The following NRG1 variants were observed in gnomAD, a reference collection of about 807,000 sequenced individuals.
NRG1 encodes neuregulin 1, also known as pro-neuregulin-1, membrane-bound isoform.
Under a neutral mutation model 63.8 loss-of-function variants are expected in NRG1, and 18 were observed. The ratio of observed to expected loss-of-function variants is 0.28; its 90% CI spans 0.19 to 0.42. The LOEUF (loss-of-function observed/expected upper bound fraction) is 0.42. NRG1 is among the 10% of genes least tolerant of loss of function. The pLI is 1.00. For missense variants in NRG1, 762 were observed against 814.7 expected (o/e 0.94, Z 0.79); for synonymous variants, 302 against 301.3 (o/e 1.00, Z -0.02).
chr8:32,741,512 CT>C (rs2129038276), intron 6 of NRG1, among the ~76,000 whole-genome samples: 2 of 152,144 alleles, frequency 1.3e-5, no homozygotes, highest in African/African-American at 4.8e-5. Context: ...TGTGAAAGTA[CT>C]TGACTTCTAT....
chr8:31,700,710 A>G (rs1007906148), intron 1 of NRG1, among the ~76,000 whole-genome samples: 9 of 152,194 alleles, frequency 5.9e-5, no homozygotes, highest in Admixed American at 5.2e-4. Flanking sequence ...TTGTCAGAGA[A>G]AATGAGATGA....
At chr8:32,255,531 C>T (rs917088119) in intron 1 of NRG1, among the ~76,000 whole-genome samples, 1 of 152,216 alleles carries the variant, frequency 6.6e-6, no homozygotes, top group Non-Finnish European at 1.5e-5. Context: ...CCAATCTCTT[C>T]TGGCTTGTAG....
At chr8:32,432,297 G>T (rs1478640351) in intron 1 of NRG1, among the ~76,000 whole-genome samples, 1 of 151,998 alleles carries the variant, frequency 6.6e-6, no homozygotes, top group Non-Finnish European at 1.5e-5. Flanking sequence ...AGTGTTCTAG[G>T]CATATTTTAC....
intron 1 of NRG1, among the ~76,000 whole-genome samples, chr8:31,813,685 G>A (rs535703142): frequency 1.3e-5 from 2 of 151,308 alleles, no homozygotes; most frequent in South Asian, 2.1e-4. Context: ...ACACCACCAC[G>A]CCTGGCTAAA....
chr8:32,658,021 AAATC>A (rs377475944), intron 5 of NRG1, among the ~76,000 whole-genome samples: 5 of 152,330 alleles, frequency 3.3e-5, no homozygotes, highest in African/African-American at 1.2e-4. Context: ...CAGTTTTTTT[AAATC>A]TTCCTACTTC....
chr8:31,722,923 G>T (rs1813067804), intron 1 of NRG1, among the ~76,000 whole-genome samples: 1 of 152,020 alleles, frequency 6.6e-6, no homozygotes, highest in Non-Finnish European at 1.5e-5. Flanking sequence ...AAACTATTTT[G>T]GTGACCATGA....
At chr8:32,328,203 C>CA (rs1802234893) in intron 1 of NRG1, among the ~76,000 whole-genome samples, 1 of 152,020 alleles carries the variant, frequency 6.6e-6, no homozygotes, top group African/African-American at 2.4e-5. Flanking sequence ...GTGTGTGACT[C>CA]AGTGTTTTTA....
chr8:32,179,765 CT>C (rs1841228884), intron 1 of NRG1, among the ~76,000 whole-genome samples: 1 of 152,218 alleles, frequency 6.6e-6, no homozygotes, highest in South Asian at 2.1e-4. Flanking sequence ...ATCTTCCTTC[CT>C]TTGAAGCATA....
At chr8:32,442,747 AAAG>A in intron 1 of NRG1, 1 of 152,340 alleles carries the variant, frequency 6.6e-6, no homozygotes, top group Admixed American at 6.5e-5. Context: ...CATGCCATTA[AAAG>A]CAGCTTCCAT....
At chr8:31,837,631 C>T (rs959102851) in intron 1 of NRG1, among the ~76,000 whole-genome samples, 1 of 152,008 alleles carries the variant, frequency 6.6e-6, no homozygotes, top group African/African-American at 2.4e-5. Flanking sequence ...CTTCCCATCT[C>T]CCACTCCCTC....
chr8:32,071,037 C>T (rs1323066605), intron 1 of NRG1, among the ~76,000 whole-genome samples: 1 of 152,174 alleles, frequency 6.6e-6, no homozygotes, highest in Non-Finnish European at 1.5e-5. Flanking sequence ...ATTCTCTTCT[C>T]TATGCTCTTT....
At chr8:32,289,802 T>A (rs1853975729) in intron 1 of NRG1, among the ~76,000 whole-genome samples, 1 of 152,166 alleles carries the variant, frequency 6.6e-6, no homozygotes, top group Admixed American at 6.6e-5. Flanking sequence ...TCTTTTAAAG[T>A]TCTCAATGTA....
At chr8:32,064,730 A>G (rs1258104738) in intron 1 of NRG1, among the ~76,000 whole-genome samples, 1 of 152,126 alleles carries the variant, frequency 6.6e-6, no homozygotes, top group Non-Finnish European at 1.5e-5. Flanking sequence ...ATTTACTTAT[A>G]AGCTATACCT....
chr8:31,690,081 G>A (rs1809334349), intron 1 of NRG1, among the ~76,000 whole-genome samples: 6 of 152,172 alleles, frequency 3.9e-5, no homozygotes, highest in African/African-American at 1.4e-4. Context: ...TAATGAGTGA[G>A]TTCTTGAGAT....
At chr8:32,369,522 G>A (rs1312343251) in intron 1 of NRG1, among the ~76,000 whole-genome samples, 4 of 152,198 alleles carry the variant, frequency 2.6e-5, no homozygotes, top group Admixed American at 1.3e-4. Flanking sequence ...CACAGCGAAC[G>A]TGGTGTGGAC....
rs1857392712 is a variant in NRG1 at position 32,316,407 on chromosome 8, C to G, written c.38-279421C>G. ...AGGAGAATCGCTTGAACCTGGGAGG[C>G]GGAGGGTGCAGTGAGCCAAGATCGT... On this transcript the variant is annotated intron_variant, in intron 1 of 10. Coordinates refer to the NRG1 transcript ENST00000519301. 2.1e-5 allele frequency among the ~76,000 whole-genome samples: 3 copies of G among 145,500 alleles called. No homozygotes were observed. The Admixed American group carries it at 2.2e-4, about 10-fold the overall frequency.
In NRG1 at chr8:31,924,488, G is replaced by A. The variant is rs115794249; in HGVS notation, c.37+285057G>A. Reference sequence around the variant, plus strand: ...TTTTTATACCTGATATTGGTCATTCGTGCTGTAGTTTTTTTCCTCAATAAG... The same window carrying A: ...TTTTTATACCTGATATTGGTCATTCATGCTGTAGTTTTTTTCCTCAATAAG... On this transcript the variant is annotated intron_variant, in intron 1 of 10. Transcript: ENST00000519301. 4.2e-3 allele frequency among the ~76,000 whole-genome samples: 641 copies of A among 152,012 alleles called. 7 individuals are homozygous for A. The highest frequency in any genetic ancestry group is 0.015 in the African/African-American group (610 of 41,462).
intron 1 of NRG1, among the ~76,000 whole-genome samples, chr8:32,407,277 A>T (rs1390213948): frequency 3.7e-4 from 17 of 45,626 alleles, no homozygotes; most frequent in Non-Finnish European, 4.5e-4. Flanking sequence ...TATATATATT[A>T]TATATATATA....
chr8:32,344,350 C>CCTTCTTTCTTTCTTTCTT (rs1804485150), intron 1 of NRG1, among the ~76,000 whole-genome samples: 5 of 61,812 alleles, frequency 8.1e-5, no homozygotes, highest in Admixed American at 6.7e-4. Context: ...TTCTTTCTTT[C>CCTTCTTTCTTTCTTTCTT]TTTCTTTCTT....
Sources: allele counts gnomAD v4.1 joint callset (sites outside exome capture counted in the v4.1 genomes callset), GRCh38; gene constraint gnomAD v4.1.1; transcripts MANE v1.5; gene names NCBI Gene and HGNC (gene_info 2026-07-23, HGNC 2026-07-21).